The following TMED10 variants were observed in gnomAD, a reference collection of about 807,000 sequenced individuals.
TMED10 encodes the protein transmembrane emp24 domain-containing protein 10.
TMED10 carries 7 observed loss-of-function variants against 23.1 expected under a neutral mutation model. That is an observed-to-expected ratio of 0.30 (90% confidence interval 0.17 to 0.57). TMED10 has a LOEUF of 0.57. TMED10 is among the 20% of genes least tolerant of loss of function. The pLI, the probability that TMED10 is intolerant of heterozygous loss-of-function variation, is 0.91. For synonymous variants in TMED10, 113 were observed against 106.9 expected (o/e 1.06, Z -0.35); for missense variants, 162 against 274.8 (o/e 0.59, Z 2.90).
chr14:75,139,997 C>G (rs1895802189), intron 3 of TMED10, among the ~76,000 whole-genome samples: 1 of 152,120 alleles, frequency 6.6e-6, no homozygotes, highest in African/African-American at 2.4e-5. Flanking sequence ...ATCTGACGGA[C>G]TTAACAATTA....
intron 3 of TMED10, among the ~76,000 whole-genome samples, chr14:75,139,433 C>A (rs1895794599): frequency 1.3e-5 from 2 of 152,068 alleles, no homozygotes; most frequent in South Asian, 4.1e-4. Flanking sequence ...CATAACCAAA[C>A]AGTCAAATTC....
At chr14:75,172,491 G>T (rs955025217) in intron 1 of TMED10, among the ~76,000 whole-genome samples, 3 of 151,976 alleles carry the variant, frequency 2.0e-5, no homozygotes, top group African/African-American at 7.2e-5. Context: ...TAAATTTTTA[G>T]TAGAGACGGG....
chr14:75,167,490 TGG>T (rs1896179737), intron 1 of TMED10, among the ~76,000 whole-genome samples: 1 of 144,218 alleles, frequency 6.9e-6, no homozygotes, highest in Non-Finnish European at 1.5e-5. Flanking sequence ...TCCTCATGCC[TGG>T]CCTATAGTAT....
At chr14:75,170,973 A>T (rs1208128729) in intron 1 of TMED10, among the ~76,000 whole-genome samples, 1 of 152,168 alleles carries the variant, frequency 6.6e-6, no homozygotes, top group Non-Finnish European at 1.5e-5. Flanking sequence ...CGGGTAGAGA[A>T]AAAAATGCCT....
chr14:75,145,665 T>C (rs1027569686), intron 3 of TMED10, among the ~76,000 whole-genome samples: 5 of 152,120 alleles, frequency 3.3e-5, no homozygotes, highest in African/African-American at 1.2e-4. Context: ...TGGGTGCCTG[T>C]AGTCCCAGCT....
intron 1 of TMED10, among the ~76,000 whole-genome samples, chr14:75,166,939 CTTTTTTT>C (rs35308116): frequency 1.9e-3 from 215 of 114,572 alleles, no homozygotes; most frequent in African/African-American, 7.0e-3. Context: ...CATCCTATTC[CTTTTTTT>C]TTTTTTTTTT....
At position 75,132,983 on chromosome 14, in the gene TMED10, T is replaced by G. The variant is rs1480807340; in HGVS notation, c.*1902A>C. ...AATGGTCATTTATATCCACACTTTC[T>G]CTTATTTACATTAGTTTTGGCCCTT... is the stretch of plus-strand genomic sequence containing the variant. On this transcript the variant is annotated 3_prime_UTR_variant, in exon 5 of 5. Coordinates refer to ENST00000303575, the MANE Select transcript of TMED10 (RefSeq NM_006827.6). 6.6e-6 allele frequency: 1 copy of G among 152,262 alleles called. No individual in the cohort carries two copies. Among genetic ancestry groups the G allele is most frequent in the Non-Finnish European group, 1.5e-5 (1 of 68,048 alleles). The allele number at this position is 152,262 out of a possible 1,614,324, so 9.4% of individuals were successfully genotyped here.
intron 1 of TMED10, among the ~76,000 whole-genome samples, chr14:75,160,998 T>C (rs11623873): frequency 0.54 from 82,314 of 151,920 alleles, 23,392 homozygotes; most frequent in African/African-American, 0.68. Flanking sequence ...GACCCGAGAT[T>C]GTGCCACTGC....
chr14:75,170,963 C>T (rs544425779), intron 1 of TMED10, among the ~76,000 whole-genome samples: 44 of 152,198 alleles, frequency 2.9e-4, no homozygotes, highest in African/African-American at 9.2e-4. Flanking sequence ...TATTACCACC[C>T]GGGTAGAGAA....
At chr14:75,146,719 A>G (rs1016159706) in intron 3 of TMED10, among the ~76,000 whole-genome samples, 1 of 152,170 alleles carries the variant, frequency 6.6e-6, no homozygotes, top group African/African-American at 2.4e-5. Context: ...TTATTAGTCT[A>G]TAATAAATAA....
intron 1 of TMED10, among the ~76,000 whole-genome samples, chr14:75,173,220 TACAA>T (rs1896257085): frequency 6.6e-6 from 1 of 152,174 alleles, no homozygotes; most frequent in Non-Finnish European, 1.5e-5. Context: ...ACTCCATTTC[TACAA>T]ACAAATATGA....
chr14:75,135,621 G>A (rs997562469), intron 4 of TMED10, 139 bp downstream of exon 4: 4 of 1,190,144 alleles, frequency 3.4e-6, no homozygotes, highest in Non-Finnish European at 4.6e-6. Context: ...ACCTTTAGCA[G>A]CAACAACAGC....
intron 1 of TMED10, among the ~76,000 whole-genome samples, chr14:75,159,326 CAGGTTGCTGAAAA>C (rs1311934051): frequency 6.6e-6 from 1 of 152,214 alleles, no homozygotes; most frequent in Non-Finnish European, 1.5e-5. Flanking sequence ...CTAATAATTA[CAGGTTGCTGAAAA>C]TGTCTAAATG....
rs35810783 is a variant in TMED10, at chr14:75,146,908, C to CAGATAGATAGATAGAT, written c.411+740_411+755dup. ...ACTAAACAGCACTGAATCCATGCCC[C>CAGATAGATAGATAGAT]AGATAGATAGATAGATAGATAGATA... On this transcript the variant is annotated intron_variant, in intron 3 of 4. Coordinates refer to ENST00000303575, the MANE Select transcript of TMED10 (RefSeq NM_006827.6). Among the ~76,000 whole-genome samples, 699 of 149,596 alleles carry CAGATAGATAGATAGAT rather than the reference C, an allele frequency of 4.7e-3. 4 individuals carry two copies. Among genetic ancestry groups the CAGATAGATAGATAGAT allele is most frequent in the East Asian group, 0.014 (72 of 5,098 alleles).
At chr14:75,143,307 A>G (rs1895845499) in intron 3 of TMED10, among the ~76,000 whole-genome samples, 1 of 152,232 alleles carries the variant, frequency 6.6e-6, no homozygotes, top group Admixed American at 6.5e-5. Context: ...CCAAAATACC[A>G]GTAAAATTAA....
At chr14:75,135,236 G>C (rs919759789) in intron 4 of TMED10, among the ~76,000 whole-genome samples, 1 of 152,042 alleles carries the variant, frequency 6.6e-6, no homozygotes, top group Non-Finnish European at 1.5e-5. Flanking sequence ...AGATCATGAA[G>C]TCAGGAGATC....
intron 3 of TMED10, among the ~76,000 whole-genome samples, chr14:75,142,142 C>T (rs1019142845): frequency 2.0e-5 from 3 of 152,196 alleles, no homozygotes; most frequent in Admixed American, 6.5e-5. Context: ...TCACTGGAAG[C>T]ATGAGGTATG....
intron 4 of TMED10, 98 bp downstream of exon 4, chr14:75,135,662 C>A: frequency 6.5e-7 from 1 of 1,528,778 alleles, no homozygotes; most frequent in Non-Finnish European, 8.8e-7. Context: ...CATATACCCA[C>A]CTTGGCAAAA....
In TMED10 at chr14:75,144,819, G is replaced by A. The variant is rs144350818; in HGVS notation, c.411+2845C>T. ...ACTACAGGTACCCGCCACCATGCCC[G>A]GCTAATTTTTGTATTTTTAGTAGAG... is the stretch of plus-strand genomic sequence containing the variant. On this transcript the variant is annotated intron_variant, in intron 3 of 4. Coordinates refer to ENST00000303575, the MANE Select transcript of TMED10 (RefSeq NM_006827.6). 1.1e-4 allele frequency among the ~76,000 whole-genome samples: 17 copies of A among 152,218 alleles called. No homozygotes were observed. The South Asian group carries it at 1.2e-3, about 11-fold the overall frequency.
Sources: gnomAD v4.1 joint callset for allele counts (sites outside exome capture counted in the v4.1 genomes callset) on GRCh38, gnomAD v4.1.1 for gene constraint, MANE v1.5 for transcripts, NCBI Gene and HGNC (gene_info 2026-07-23, HGNC 2026-07-21) for gene names.